PRKDC: variants seen among roughly 807,000 people sequenced by gnomAD.
PRKDC encodes the protein DNA-dependent protein kinase catalytic subunit.
A neutral mutation model predicts 486.9 loss-of-function variants in PRKDC; 82 were observed. That is an observed-to-expected ratio of 0.17 (90% CI 0.14 to 0.20). The LOEUF is 0.20. PRKDC is among the 10% of genes least tolerant of loss of function. PRKDC has a pLI of 1.00. For synonymous variants in PRKDC, 1,895 were observed against 1,837.0 expected (o/e 1.03, Z -0.81); for missense variants, 4,504 against 5,038.2 (o/e 0.89, Z 3.21).
chr8:47,779,792 G>A (rs1265503641), intron 80 of PRKDC, among the ~76,000 whole-genome samples: 1 of 151,924 alleles, frequency 6.6e-6, no homozygotes, highest in Non-Finnish European at 1.5e-5. Context: ...GTTTCACCAC[G>A]TTGGCCAGGC....
At chr8:47,786,039 GAGGTTGC>G (rs1391890897) in intron 76 of PRKDC, among the ~76,000 whole-genome samples, 2 of 151,954 alleles carry the variant, frequency 1.3e-5, no homozygotes, top group Admixed American at 1.3e-4. Flanking sequence ...CCGGGAGGCG[GAGGTTGC>G]AGTGAGCCGA....
intron 12 of PRKDC, 143 bp from the exon 13 acceptor site, chr8:47,936,043 A>C: frequency 1.1e-6 from 1 of 878,810 alleles, no homozygotes; most frequent in Non-Finnish European, 1.6e-6. Context: ...GCTGCTTAAC[A>C]TGTATTACTG....
intron 61 of PRKDC, among the ~76,000 whole-genome samples, chr8:47,829,951 A>G (rs1287736282): frequency 6.6e-6 from 1 of 152,188 alleles, no homozygotes; most frequent in Non-Finnish European, 1.5e-5. Context: ...TGGAACCAAA[A>G]AAGAGCCCGT....
In PRKDC at chr8:47,927,839, T is replaced by C; in HGVS notation, c.2191A>G (p.Thr731Ala). 1 of 1,596,296 alleles carries C rather than the reference T, an allele frequency of 6.3e-7. No individual in the cohort carries two copies. Among genetic ancestry groups the C allele is most frequent in the Non-Finnish European group, 8.5e-7 (1 of 1,172,634 alleles). ...TTGTGTGGCAAGGACAGAAGAAAGG[T>C]CAAACAAGAGGCCAAAAGTTCATCT... is the stretch of plus-strand genomic sequence containing the variant. ...YKDELLASCL[T>A]FLLSLPHNII... Residue 731 changes from threonine (T) to alanine (A), a missense_variant, in exon 20 of 86, where the codon ACC (threonine) becomes GCC (alanine). Thr to Ala is a moderately conservative substitution (Grantham distance 58). This residue lies in a region of PRKDC where 1,969 missense variants were observed against 2,068.9 expected (regional missense o/e 0.95). Transcript: ENST00000314191.
chr8:47,827,995 G>GA (rs976452874), intron 62 of PRKDC, among the ~76,000 whole-genome samples, 173 bp downstream of exon 62: 1 of 151,804 alleles, frequency 6.6e-6, no homozygotes, highest in African/African-American at 2.4e-5. Context: ...TTTCTGGGGG[G>GA]AAAAAATAAA....
intron 23 of PRKDC, among the ~76,000 whole-genome samples, chr8:47,914,740 G>T (rs1394611427): frequency 6.6e-6 from 1 of 151,510 alleles, no homozygotes; most frequent in Non-Finnish European, 1.5e-5. Context: ...GGCGGAGGTT[G>T]CAGTGAGCCA....
chr8:47,790,964 A>G (rs1319654894), intron 74 of PRKDC, among the ~76,000 whole-genome samples: 1 of 152,162 alleles, frequency 6.6e-6, no homozygotes, highest in African/African-American at 2.4e-5. Flanking sequence ...AACTACAAAA[A>G]CAAAAACAAA....
intron 74 of PRKDC, among the ~76,000 whole-genome samples, chr8:47,793,334 A>G (rs1443978480): frequency 6.6e-6 from 1 of 152,238 alleles, no homozygotes; most frequent in Non-Finnish European, 1.5e-5. Flanking sequence ...TAACTGCAAC[A>G]GAAGCTGGGC....
At chr8:47,885,062 G>A (rs1362619844) in intron 36 of PRKDC, among the ~76,000 whole-genome samples, 2 of 152,230 alleles carry the variant, frequency 1.3e-5, no homozygotes, top group East Asian at 3.8e-4. Flanking sequence ...CTGCATAGCT[G>A]TGCCTTATAA....
chr8:47,927,345 G>A lies in PRKDC; in HGVS notation c.2268C>T (p.Phe756=). 1 of 1,610,780 alleles carries A rather than the reference G, an allele frequency of 6.2e-7. No homozygotes were observed. The highest frequency in any genetic ancestry group is 8.5e-7 in the Non-Finnish European group (1 of 1,179,052). The change falls in exon 21 of 86, where the codon TTC becomes TTT. Residue 756 remains phenylalanine (F), a synonymous_variant. Coordinates refer to ENST00000314191, the MANE Select transcript of PRKDC (RefSeq NM_006904.7). ...RAYVPALQMA[F]KLGLSYTPLA... ...AGGGGGTATAGCTCAGGCCCAGTTTGAAAGCCATCTGTATGTTAATACAAA... is the reference window on the plus strand; with the variant it reads ...AGGGGGTATAGCTCAGGCCCAGTTTAAAAGCCATCTGTATGTTAATACAAA...
At chr8:47,878,567 A>AC (rs1460594591) in intron 39 of PRKDC, among the ~76,000 whole-genome samples, 1 of 152,088 alleles carries the variant, frequency 6.6e-6, no homozygotes, top group Non-Finnish European at 1.5e-5. Flanking sequence ...CGTCCTCGCT[A>AC]CAGAGGGGAT....
At chr8:47,851,354 T>C (rs2088398083) in intron 52 of PRKDC, among the ~76,000 whole-genome samples, 1 of 152,252 alleles carries the variant, frequency 6.6e-6, no homozygotes, top group Non-Finnish European at 1.5e-5. Flanking sequence ...AAAAAAGTTC[T>C]ACTGAATTTT....
intron 27 of PRKDC, among the ~76,000 whole-genome samples, chr8:47,901,796 G>A (rs966742148): frequency 6.6e-6 from 1 of 152,192 alleles, no homozygotes; most frequent in African/African-American, 2.4e-5. Flanking sequence ...TGTGCAGGAT[G>A]TGAGGTTACA....
At chr8:47,901,745 C>A (rs2089687029) in intron 27 of PRKDC, among the ~76,000 whole-genome samples, 1 of 151,896 alleles carries the variant, frequency 6.6e-6, no homozygotes, top group Non-Finnish European at 1.5e-5. Context: ...AGGTCTGGCA[C>A]ATCATTTTTT....
At position 47,887,439 on chromosome 8, in the gene PRKDC, C is replaced by T. The variant is rs1320084758; in HGVS notation, c.4572+108G>A. On this transcript the variant is annotated intron_variant, in intron 35 of 85. Transcript: ENST00000314191. ...CTCATGCAAATCATACAATACTTGT[C>T]CAGCTAAAACCTTACTACCCAAATT... is the stretch of plus-strand genomic sequence containing the variant. The T allele has an allele frequency of 5.7e-6, 6 of 1,044,342 alleles. No individual in the cohort carries two copies. The African/African-American group carries it at 6.5e-5, about 11-fold the overall frequency. The allele number at this position is 1,044,342 out of a possible 1,614,324, so 64.7% of individuals were successfully genotyped here.
rs6993483 is a variant in PRKDC, at chr8:47,863,628, C to T, written c.5572-51G>A. The stretch of plus-strand genomic sequence containing the variant: ...CTTTGGTCTTATTAAACATGAAATA[C>T]ATCTTATAGAATATATCAAATTTAA... On this transcript the variant is annotated intron_variant, in intron 41 of 85. Coordinates refer to ENST00000314191, the MANE Select transcript of PRKDC (RefSeq NM_006904.7). The T allele has an allele frequency of 0.1, 146,032 of 1,420,094 alleles. 18,657 individuals are homozygous for T. The highest frequency in any genetic ancestry group is 0.57 in the African/African-American group (39,311 of 69,500). 88.0% of individuals were successfully genotyped at this position (1,420,094 alleles called of 1,614,324 possible).
chr8:47,856,154 G>A (rs1351905250), intron 49 of PRKDC, among the ~76,000 whole-genome samples: 2 of 152,112 alleles, frequency 1.3e-5, no homozygotes, highest in South Asian at 2.1e-4. Context: ...TTGGTTAACT[G>A]TGAAACAAAT....
chr8:47,784,718 A>T lies in PRKDC; in HGVS notation c.11107+395T>A, dbSNP rs569943290. ...TAACTTGTCACTTTTTTTTTTTTTT[A>T]AAAACTTGTCACTTTAAATGGAACT... On this transcript the variant is annotated intron_variant, in intron 77 of 85. Coordinates refer to ENST00000314191, the MANE Select transcript of PRKDC (RefSeq NM_006904.7). 5.4e-4 allele frequency among the ~76,000 whole-genome samples: 81 copies of T among 149,018 alleles called. No individual in the cohort carries two copies. In the South Asian group the frequency reaches 8.1e-3, roughly 15 times the overall value.
chr8:47,814,135 T>TAAGC (rs1384372862), intron 68 of PRKDC, among the ~76,000 whole-genome samples: 1 of 152,218 alleles, frequency 6.6e-6, no homozygotes, highest in Non-Finnish European at 1.5e-5. Flanking sequence ...ACAATATGAT[T>TAAGC]AAGCTGTTGC....
Sources: allele counts gnomAD v4.1 joint callset (sites outside exome capture counted in the v4.1 genomes callset), GRCh38; gene constraint gnomAD v4.1.1; regional missense constraint gnomAD v4.1.1; transcripts MANE v1.5; gene names NCBI Gene and HGNC (gene_info 2026-07-23, HGNC 2026-07-21).